The following FHIT variants were observed in gnomAD, a reference collection of about 807,000 sequenced individuals.
FHIT encodes the protein fragile histidine triad diadenosine triphosphatase.
In FHIT, 19 loss-of-function variants were observed where a neutral mutation model predicts 17.9. That is an observed-to-expected ratio of 1.06 (90% CI 0.74 to 1.56). The LOEUF is 1.56. Among genes scored for constraint, FHIT ranks in the 40% most tolerant of loss-of-function variants. The probability of loss-of-function intolerance (pLI) is 0.00; values close to 1 mark genes in which losing one functional copy is unlikely to be tolerated. For missense variants in FHIT, 248 were observed against 189.2 expected, an observed-to-expected ratio of 1.31 and a Z score of -1.82; for synonymous variants, 81 against 69.7, an observed-to-expected ratio of 1.16 and a Z score of -0.81.
At chr3:60,257,907 A>T (rs1252058678) in intron 5 of FHIT, among the ~76,000 whole-genome samples, 1 of 152,068 alleles carries the variant, frequency 6.6e-6, no homozygotes. Flanking sequence ...GTCAACGGGG[A>T]GGAGAGAGAA....
At chr3:60,778,112 G>C (rs1337742142) in intron 4 of FHIT, among the ~76,000 whole-genome samples, 1 of 152,082 alleles carries the variant, frequency 6.6e-6, no homozygotes, top group African/African-American at 2.4e-5. Flanking sequence ...GTTATAGCTG[G>C]GTGAATAATG....
chr3:60,534,926 A>T (rs184484970), intron 5 of FHIT, among the ~76,000 whole-genome samples: 2 of 152,332 alleles, frequency 1.3e-5, no homozygotes, highest in East Asian at 3.8e-4. Flanking sequence ...TTTAGACATC[A>T]CTTTTTCTGA....
intron 8 of FHIT, among the ~76,000 whole-genome samples, chr3:59,866,171 G>C (rs1292414075): frequency 6.6e-6 from 1 of 152,164 alleles, no homozygotes; most frequent in Non-Finnish European, 1.5e-5. Flanking sequence ...AGAGAGGACA[G>C]GGAAAGCCTG....
chr3:59,904,239 A>T (rs1445340131), intron 8 of FHIT, among the ~76,000 whole-genome samples: 1 of 150,676 alleles, frequency 6.6e-6, no homozygotes, highest in Non-Finnish European at 1.5e-5. Flanking sequence ...AAAAAAAAAA[A>T]GGGAAATTTA....
At chr3:60,014,606 G>A (rs1047029670) in intron 5 of FHIT, among the ~76,000 whole-genome samples, 3 of 152,310 alleles carry the variant, frequency 2.0e-5, no homozygotes, top group Middle Eastern at 3.4e-3. Context: ...TATCTCTTTA[G>A]AGAAATAAGA....
chr3:59,970,360 A>G, intron 7 of FHIT, among the ~76,000 whole-genome samples: 1 of 152,242 alleles, frequency 6.6e-6, no homozygotes, highest in South Asian at 2.1e-4. Context: ...AGAGGCACCA[A>G]TGCTCATCCC....
At chr3:60,648,191 A>T (rs1007235847) in intron 4 of FHIT, among the ~76,000 whole-genome samples, 1 of 152,200 alleles carries the variant, frequency 6.6e-6, no homozygotes, top group African/African-American at 2.4e-5. Context: ...TCACTTATCA[A>T]TGAACTGAAA....
chr3:61,002,711 G>A (rs1323897844), intron 3 of FHIT, among the ~76,000 whole-genome samples: 1 of 151,798 alleles, frequency 6.6e-6, no homozygotes, highest in African/African-American at 2.4e-5. Context: ...CCCGTTGATT[G>A]CTCAGGGTAA....
intron 2 of FHIT, among the ~76,000 whole-genome samples, chr3:61,105,261 T>G (rs2035956854): frequency 6.6e-6 from 1 of 152,118 alleles, no homozygotes; most frequent in African/African-American, 2.4e-5. Context: ...TTAACCTCTT[T>G]GATGACCTTG....
chr3:61,001,101 C>G (rs2031050204), intron 3 of FHIT, among the ~76,000 whole-genome samples: 1 of 151,940 alleles, frequency 6.6e-6, no homozygotes, highest in Non-Finnish European at 1.5e-5. Flanking sequence ...TTTAAAACCA[C>G]AAAAATATTG....
intron 3 of FHIT, among the ~76,000 whole-genome samples, chr3:60,888,019 T>A (rs977918020): frequency 2.8e-4 from 42 of 152,296 alleles, no homozygotes; most frequent in African/African-American, 9.6e-4. Flanking sequence ...CCTAAAAGAT[T>A]AAATGATATT....
chr3:60,332,368 T>C (rs1417903679), intron 5 of FHIT, among the ~76,000 whole-genome samples: 1 of 152,200 alleles, frequency 6.6e-6, no homozygotes, highest in Non-Finnish European at 1.5e-5. Context: ...TGCTTGGCTA[T>C]AGAGTATCTG....
At chr3:61,000,642 G>A (rs1358103010) in intron 3 of FHIT, among the ~76,000 whole-genome samples, 1 of 152,160 alleles carries the variant, frequency 6.6e-6, no homozygotes, top group African/African-American at 2.4e-5. Context: ...GGAAAAAAAA[G>A]GAGATAGAAA....
At chr3:59,895,469 G>C (rs1228963856) in intron 8 of FHIT, among the ~76,000 whole-genome samples, 1 of 152,184 alleles carries the variant, frequency 6.6e-6, no homozygotes, top group Non-Finnish European at 1.5e-5. Context: ...GGTGAACAGA[G>C]AAGACATATC....
intron 4 of FHIT, among the ~76,000 whole-genome samples, chr3:60,793,462 C>T (rs1700860056): frequency 1.3e-5 from 2 of 152,076 alleles, no homozygotes; most frequent in Admixed American, 1.3e-4. Context: ...GCTACCACGC[C>T]CAGCTAATTT....
chr3:60,332,931 C>G (rs546871796), intron 5 of FHIT, among the ~76,000 whole-genome samples: 5 of 152,108 alleles, frequency 3.3e-5, no homozygotes, highest in Non-Finnish European at 5.9e-5. Context: ...CACCACTTAA[C>G]GAAAGACTTT....
At chr3:61,041,251 C>A (rs574092961) in intron 3 of FHIT, among the ~76,000 whole-genome samples, 194 of 152,060 alleles carry the variant, frequency 1.3e-3, no homozygotes, top group African/African-American at 4.6e-3. Flanking sequence ...TGGTGGCACG[C>A]CTCTAGTCCC....
intron 8 of FHIT, among the ~76,000 whole-genome samples, chr3:59,821,185 A>T (rs1194461967): frequency 6.6e-6 from 1 of 152,180 alleles, no homozygotes; most frequent in Non-Finnish European, 1.5e-5. Context: ...GAGGCAAGAT[A>T]TTTGAGGAAG....
intron 3 of FHIT, among the ~76,000 whole-genome samples, chr3:60,928,093 C>T (rs1159520604): frequency 3.3e-5 from 5 of 152,042 alleles, no homozygotes; most frequent in African/African-American, 1.2e-4. Flanking sequence ...CTTTATTAAA[C>T]AGATGCTTGA....
Sources: allele counts gnomAD v4.1 joint callset (sites outside exome capture counted in the v4.1 genomes callset), GRCh38; gene constraint gnomAD v4.1.1; transcripts MANE v1.5; gene names NCBI Gene and HGNC (gene_info 2026-07-23, HGNC 2026-07-21).